TTN: variants seen among roughly 807,000 people sequenced by gnomAD.
The protein encoded by TTN is titin, also known as connectin.
TTN carries 1,525 observed loss-of-function variants against 3,223.0 expected under a neutral mutation model. That is an observed-to-expected ratio of 0.47 (90% CI 0.45 to 0.49). TTN has a LOEUF of 0.49. Among genes scored for constraint, TTN ranks in the 20% least tolerant of loss-of-function variants. The pLI is 0.00. For synonymous variants in TTN, 14,094 were observed against 15,161.0 expected (o/e 0.93, Z 5.17); for missense variants, 40,786 against 43,424.0 (o/e 0.94, Z 5.40).
chr2:178,746,372 A>C, intron 47 of TTN: 1 of 1,611,476 alleles, frequency 6.2e-7, no homozygotes, highest in Non-Finnish European at 8.5e-7. Context: ...ACTCACAATC[A>C]TACTTTTATG....
chr2:178,694,527 A>C (rs2073213797), intron 117 of TTN, 72 bp downstream of exon 117: 1 of 1,074,194 alleles, frequency 9.3e-7, no homozygotes, highest in South Asian at 1.7e-5. Context: ...TTACTTAGCA[A>C]TATATGTACA....
Position 178,729,581 on chromosome 2 carries a change from G to C in TTN, c.18590-15C>G. 1 of 1,611,920 alleles carries C rather than the reference G, an allele frequency of 6.2e-7. No homozygotes were observed. The highest frequency in any genetic ancestry group is 1.3e-5 in the African/African-American group (1 of 74,796). On this transcript the variant is annotated splice_polypyrimidine_tract_variant and intron_variant, in intron 63 of 362. Coordinates refer to ENST00000589042, the MANE Select transcript of TTN (RefSeq NM_001267550.2). ...GGTGGGGGGTTCTAAAGATTCAAAAGGAAGACAGTAGCTTACTCAAGGGAA... is the reference window on the plus strand; with the variant it reads ...GGTGGGGGGTTCTAAAGATTCAAAACGAAGACAGTAGCTTACTCAAGGGAA...
In TTN at chr2:178,675,364, T is replaced by TA. The variant is rs559236354; in HGVS notation, c.34538-252_34538-251insT. 1.8e-3 allele frequency: 687 copies of TA among 388,938 alleles called. 6 individuals are homozygous for TA. Among genetic ancestry groups the TA allele is most frequent in the Non-Finnish European group, 3.9e-4 (86 of 223,376 alleles). 24.1% of individuals were successfully genotyped at this position (388,938 alleles called of 1,614,324 possible). A position where few individuals can be genotyped will look rare whatever the true frequency, so the allele number is the denominator to read the frequency against. ...CTATTTCTTTTTTCTTTTGTCTTTT[T>TA]TTTTTTTGTAGGAAGAAATGGGTAT... On this transcript the variant is annotated intron_variant, in intron 149 of 362. Transcript: ENST00000589042.
intron 155 of TTN, among the ~76,000 whole-genome samples, chr2:178,671,733 T>G (rs1056139951): frequency 1.8e-4 from 28 of 151,854 alleles, no homozygotes; most frequent in African/African-American, 6.5e-4. Flanking sequence ...ATTTAAAAAA[T>G]AATCCCCAAA....
chr2:178,644,945 C>G (rs1036515685), intron 217 of TTN: 1 of 235,544 alleles, frequency 4.2e-6, no homozygotes, highest in Non-Finnish European at 8.2e-6. Flanking sequence ...TGTCAATTAA[C>G]AGATGGGTGG....
At chr2:178,644,449 A>T in intron 218 of TTN, 99 bp downstream of exon 218, 1 of 913,644 alleles carries the variant, frequency 1.1e-6, no homozygotes. Context: ...CTCTCTGATC[A>T]TTGAAAAAGA....
In TTN at chr2:178,553,294, G is replaced by C. The variant is rs770203238; in HGVS notation, c.89606C>G (p.Pro29869Arg). The change falls in exon 335 of 363, where the codon CCT (proline) becomes CGT (arginine). Residue 29869 changes from proline to arginine, a missense_variant. Coordinates refer to ENST00000589042, the MANE Select transcript of TTN (RefSeq NM_001267550.2). Reference sequence around the variant, plus strand: ...CTCATCTTTTCTCCATGTGACAGTAGGTGGAGGTCTGCCTTTAAAGGGAAT... The same window carrying C: ...CTCATCTTTTCTCCATGTGACAGTACGTGGAGGTCTGCCTTTAAAGGGAAT... ...VLIPFKGRPP[P>R]TVTWRKDEKN... The C allele has an allele frequency of 6.2e-7, 1 of 1,608,980 alleles. No homozygotes were observed. Among genetic ancestry groups the C allele is most frequent in the Non-Finnish European group, 8.5e-7 (1 of 1,179,788 alleles).
In TTN at chr2:178,533,996, A is replaced by G; in HGVS notation, c.102619T>C (p.Tyr34207His). 1 of 1,613,978 alleles carries G rather than the reference A, an allele frequency of 6.2e-7. No homozygotes were observed. Among genetic ancestry groups the G allele is most frequent in the Non-Finnish European group, 8.5e-7 (1 of 1,179,862 alleles). The change falls in exon 358 of 363, where the codon TAC becomes CAC. Residue 34207 changes from tyrosine to histidine, a missense_variant. By Grantham distance (83) the Tyr-to-His change is moderately conservative. Coordinates refer to ENST00000589042, the MANE Select transcript of TTN (RefSeq NM_001267550.2). ...TAGTCATTGACTACTTTGCATCTGT[A>G]GGTACCATCATCTAATTTGGTAATG... ...KDITKLDDGT[Y>H]RCKVVNDYGE...
rs527571874 is a variant in TTN, at chr2:178,562,939, C to T, written c.83193G>A (p.Leu27731=). The change falls in exon 326 of 363, where the codon TTG becomes TTA. Residue 27731 remains leucine (L), a synonymous_variant. Coordinates refer to ENST00000589042, the MANE Select transcript of TTN (RefSeq NM_001267550.2). ...CAAATCTGGTAACATTATCAATCACCAACATTGTAAATGAGCTGGTCACCT... is the reference window on the plus strand; with the variant it reads ...CAAATCTGGTAACATTATCAATCACTAACATTGTAAATGAGCTGGTCACCT... The part of the protein sequence containing the change: ...QIEVTSSFTM[L]VIDNVTRFDS... The T allele has an allele frequency of 1.9e-6, 3 of 1,613,614 alleles. No individual in the cohort carries two copies. Among genetic ancestry groups the T allele is most frequent in the South Asian group, 1.1e-5 (1 of 91,080 alleles).
rs541353288 is a variant in TTN at position 178,554,928 on chromosome 2, A to G, written c.88531T>C (p.Tyr29511His). The G allele has an allele frequency of 1.9e-6, 3 of 1,613,804 alleles. No homozygotes were observed. In the South Asian group the frequency reaches 3.3e-5, roughly 18 times the overall value. Reference sequence around the variant, plus strand: ...ATGGCATTCCTTAGTTTTAATTCATAGCATCCACTATTAAGGCGATCGGCA... The same window carrying G: ...ATGGCATTCCTTAGTTTTAATTCATGGCATCCACTATTAAGGCGATCGGCA... ...KDADRLNSGC[Y>H]ELKLRNAMGS... is the part of the protein sequence containing the mutation. The change falls in exon 331 of 363, where the codon TAT (tyrosine) becomes CAT (histidine). Residue 29511 changes from tyrosine to histidine, a missense_variant. Physicochemically the swap from Tyr to His is moderately conservative, Grantham distance 83. Transcript: ENST00000589042.
Position 178,727,278 on chromosome 2 carries a change from T to G in TTN, c.20087A>C (p.Glu6696Ala), listed in dbSNP as rs764124148. ...ATTTCGGAACCACACAACTCTGATT[T>G]CTGGGGATCCAGCTATCTTGCATTC... ...RLECKIAGSP[E>A]IRVVWFRNEH... Residue 6696 changes from glutamate (E) to alanine (A), a missense_variant, in exon 69 of 363, where the codon GAA becomes GCA. By Grantham distance (107) the Glu-to-Ala change is moderately radical (BLOSUM62 -1). Coordinates refer to ENST00000589042, the MANE Select transcript of TTN (RefSeq NM_001267550.2). 1 of 1,613,182 alleles carries G rather than the reference T, an allele frequency of 6.2e-7. No homozygotes were observed. Among genetic ancestry groups the G allele is most frequent in the East Asian group, 2.2e-5 (1 of 44,826 alleles).
At position 178,568,544 on chromosome 2, in the gene TTN, T is replaced by C. The variant is rs1171070025; in HGVS notation, c.77588A>G (p.Asp25863Gly). ...TGTGATTCCATATTGTCCACCATCATCCTTATGAGTTTCTTTAATACTGAG... is the reference window on the plus strand; with the variant it reads ...TGTGATTCCATATTGTCCACCATCACCCTTATGAGTTTCTTTAATACTGAG... ...TTLSIKETHK[D>G]DGGQYGITVA... Residue 25863 changes from aspartate (D) to glycine (G), a missense_variant, in exon 326 of 363, where the codon GAT (aspartate) becomes GGT (glycine). Coordinates refer to ENST00000589042, the MANE Select transcript of TTN (RefSeq NM_001267550.2). 6.2e-7 allele frequency: 1 copy of C among 1,613,510 alleles called. No homozygotes were observed. Among genetic ancestry groups the C allele is most frequent in the Admixed American group, 1.7e-5 (1 of 59,986 alleles).
chr2:178,574,489 T>C lies in TTN; in HGVS notation c.71643A>G (p.Val23881=). ...CACTTGATTTGAAAATGTTGCCTGG[T>C]ACTAAAGCTTTGCTCACAGTCTGCC... The part of the protein sequence containing the change: ...ILWQTVSKAL[V]PGNIFKSSGL... Residue 23881 remains valine (V), a synonymous_variant, in exon 326 of 363, where the codon GTA becomes GTG. Transcript: ENST00000589042. The C allele has an allele frequency of 6.2e-7, 1 of 1,613,706 alleles. No homozygotes were observed. The highest frequency in any genetic ancestry group is 8.5e-7 in the Non-Finnish European group (1 of 1,179,640).
chr2:178,706,868 C>T lies in TTN; in HGVS notation c.29128G>A (p.Val9710Ile), dbSNP rs72649002. The change falls in exon 101 of 363, where the codon GTA becomes ATA. Residue 9710 changes from valine (V) to isoleucine (I), a missense_variant. Val to Ile is a conservative substitution (Grantham distance 29, BLOSUM62 3). Coordinates refer to ENST00000589042, the MANE Select transcript of TTN (RefSeq NM_001267550.2). ...FVSEPQSIRV[V>I]EKTTATFIAK... ...TCTCATGAAGTGCACTTACTTTCTA[C>T]GACTCTGATACTCTGAGGTTCTGAC... 880 of 1,611,768 alleles carry T rather than the reference C, an allele frequency of 5.5e-4. 19 individuals are homozygous for T. In the East Asian group the frequency reaches 0.012, roughly 23 times the overall value.
chr2:178,719,377 C>G lies in TTN; in HGVS notation c.24013G>C (p.Glu8005Gln), dbSNP rs757042397. Residue 8005 changes from glutamate (E) to glutamine (Q), a missense_variant, in exon 83 of 363, where the codon GAG (glutamate) becomes CAG (glutamine). Glu to Gln is a conservative substitution (Grantham distance 29). Coordinates refer to ENST00000589042, the MANE Select transcript of TTN (RefSeq NM_001267550.2). Reference protein sequence around the residue: ...NAILGASVVLECRVSGSAPIS... With the variant: ...NAILGASVVLQCRVSGSAPIS... ...GGGGCTGAGCCAGAGACTCGGCACT[C>G]CAAAACAACTGAGGCCCCCAGGATG... The G allele has an allele frequency of 3.0e-5, 48 of 1,613,590 alleles. No individual in the cohort carries two copies. The highest frequency in any genetic ancestry group is 4.0e-5 in the Non-Finnish European group (47 of 1,179,728).
intron 209 of TTN, 57 bp downstream of exon 209, chr2:178,650,694 C>G (rs570716963): frequency 1.4e-6 from 2 of 1,449,910 alleles, no homozygotes; most frequent in South Asian, 2.7e-5. Flanking sequence ...AAGAACAAAG[C>G]TTAAATTAGA....
chr2:178,728,450 C>T (rs1161885401), intron 66 of TTN, 50 bp downstream of exon 66: 1 of 1,582,366 alleles, frequency 6.3e-7, no homozygotes. Flanking sequence ...TATTTGTTTA[C>T]AAAGGACATA....
chr2:178,777,641 G>A (rs964695866), intron 25 of TTN, 57 bp from the exon 26 acceptor site: 13 of 1,613,382 alleles, frequency 8.1e-6, no homozygotes, highest in Admixed American at 3.3e-5. Flanking sequence ...AAAATTGTTA[G>A]ATGCATACAT....
At chr2:178,785,512 A>T in intron 15 of TTN, 108 bp downstream of exon 15, 1 of 1,520,578 alleles carries the variant, frequency 6.6e-7, no homozygotes, top group Non-Finnish European at 9.0e-7. Context: ...GCACACACAC[A>T]TCACCAAAAA....
Sources: allele counts gnomAD v4.1 joint callset (sites outside exome capture counted in the v4.1 genomes callset), GRCh38; gene constraint gnomAD v4.1.1; transcripts MANE v1.5; gene names NCBI Gene and HGNC (gene_info 2026-07-23, HGNC 2026-07-21).